ZNF133: variants seen among roughly 807,000 people sequenced by gnomAD.
ZNF133 encodes the protein zinc finger protein 133 (clone pHZ-13).
In ZNF133, 26 loss-of-function variants were observed where a neutral mutation model predicts 54.9. The ratio of observed to expected loss-of-function variants is 0.47; its 90% CI spans 0.35 to 0.66. The LOEUF (loss-of-function observed/expected upper bound fraction) is 0.66, where lower values mean the gene tolerates loss of function less well. Ranked by LOEUF, ZNF133 falls within the 30% of genes least tolerant of loss-of-function variation. The pLI is 0.01. For missense variants in ZNF133, 653 were observed against 820.8 expected, an observed-to-expected ratio of 0.80 and a Z score of 2.50; for synonymous variants, 298 against 320.3, an observed-to-expected ratio of 0.93 and a Z score of 0.74.
In ZNF133 at chr20:18,316,067, A is replaced by C; in HGVS notation, c.1216A>C (p.Lys406Gln). 1 of 1,612,564 alleles carries C rather than the reference A, an allele frequency of 6.2e-7. No individual in the cohort carries two copies. Among genetic ancestry groups the C allele is most frequent in the East Asian group, 2.2e-5 (1 of 44,684 alleles). ...TGTCAACCACCAGAGGACACACTCA[A>C]AGGAGAAGCCCTATGTGTGCGGGGT... ...TLVNHQRTHS[K>Q]EKPYVCGVCG... Residue 406 changes from lysine (K) to glutamine (Q), a missense_variant, in exon 7 of 7, where the codon AAG becomes CAG. Lys to Gln is a moderately conservative substitution (Grantham distance 53, BLOSUM62 1). This residue lies in a region of ZNF133 where 292 missense variants were observed against 431.6 expected (regional missense o/e 0.68). Transcript: ENST00000425686.
chr20:18,300,347 A>G (rs116790294), intron 3 of ZNF133, among the ~76,000 whole-genome samples: 4,217 of 152,300 alleles, frequency 0.028, 223 homozygotes, highest in African/African-American at 0.097. Flanking sequence ...AAAGCAAGTG[A>G]GATGGGAATT....
In ZNF133 at chr20:18,316,392, G is replaced by A. The variant is rs1422804566; in HGVS notation, c.1541G>A (p.Arg514Lys). The change falls in exon 7 of 7, where the codon AGG becomes AAG. Residue 514 changes from arginine (R) to lysine (K), a missense_variant. By Grantham distance (26) the Arg-to-Lys change is conservative (BLOSUM62 2). Transcript: ENST00000425686. ...AAGTCAAACCTTGTTGCACACCAGA[G>A]GACGCACTCAGGGGAGAGGCCGTAT... ...SQKSNLVAHQ[R>K]THSGERPYVC... 6.2e-7 allele frequency: 1 copy of A among 1,614,054 alleles called. No homozygotes were observed. The highest frequency in any genetic ancestry group is 1.7e-5 in the Admixed American group (1 of 60,020).
chr20:18,314,089 C>G (rs544617981), intron 6 of ZNF133: 2 of 152,338 alleles, frequency 1.3e-5, no homozygotes, highest in African/African-American at 4.8e-5. Flanking sequence ...AAAGGTGGTT[C>G]TGCTCATTGT....
chr20:18,307,471 A>G (rs2044906043), intron 6 of ZNF133, among the ~76,000 whole-genome samples: 2 of 152,182 alleles, frequency 1.3e-5, no homozygotes, highest in African/African-American at 4.8e-5. Flanking sequence ...TCTGATGGAG[A>G]AGTCACCATG....
At chr20:18,295,536 GC>G (rs2042057197) in intron 1 of ZNF133, 1 of 152,094 alleles carries the variant, frequency 6.6e-6, no homozygotes, top group Non-Finnish European at 1.5e-5. Context: ...GTAGGATTTG[GC>G]TCATTAGATC....
intron 1 of ZNF133, among the ~76,000 whole-genome samples, chr20:18,290,600 C>A (rs1386722728): frequency 7.3e-5 from 11 of 150,920 alleles, no homozygotes; most frequent in Admixed American, 7.3e-4. Flanking sequence ...ATATTGTTTT[C>A]CCCCATTGTT....
chr20:18,306,236 G>A (rs2044555506), intron 5 of ZNF133, 62 bp from the exon 6 acceptor site: 2 of 1,511,570 alleles, frequency 1.3e-6, no homozygotes, highest in Non-Finnish European at 1.8e-6. Flanking sequence ...GTTTAGCTTT[G>A]AATTCTTGAA....
chr20:18,301,451 A>G (rs2043340696), intron 3 of ZNF133, among the ~76,000 whole-genome samples: 1 of 152,200 alleles, frequency 6.6e-6, no homozygotes, highest in Non-Finnish European at 1.5e-5. Context: ...GAATAGAAGG[A>G]TAATAGCAGA....
rs745482761 is a variant in ZNF133, at chr20:18,316,689, G to A, written c.1838G>A (p.Arg613Gln). The change falls in exon 7 of 7, where the codon CGG (arginine) becomes CAG (glutamine). Residue 613 changes from arginine to glutamine, a missense_variant. By Grantham distance (43) the Arg-to-Gln change is conservative. Coordinates refer to ENST00000425686, the MANE Select transcript of ZNF133 (RefSeq NM_001352452.2). ...CCATATGTGTGCAAGACGTGTGGGC[G>A]GGGCTTCAGCCTCAAGTCTCACCTC... ...EKPYVCKTCG[R>Q]GFSLKSHLSR... 7.4e-6 allele frequency: 12 copies of A among 1,614,010 alleles called. No individual in the cohort carries two copies. Among genetic ancestry groups the A allele is most frequent in the Middle Eastern group, 3.3e-4 (2 of 6,082 alleles).
At chr20:18,291,613 G>C (rs1307899519) in intron 1 of ZNF133, among the ~76,000 whole-genome samples, 1 of 152,022 alleles carries the variant, frequency 6.6e-6, no homozygotes, top group Non-Finnish European at 1.5e-5. Flanking sequence ...TCATTCTCAA[G>C]GCTTTAAATG....
At chr20:18,310,413 A>AATAC in intron 6 of ZNF133, 1 of 1,251,344 alleles carries the variant, frequency 8.0e-7, no homozygotes, top group Non-Finnish European at 1.1e-6. Flanking sequence ...AAAGTATTTA[A>AATAC]TTTTCTCGGC....
intron 6 of ZNF133, among the ~76,000 whole-genome samples, chr20:18,307,635 G>GTA (rs778776872): frequency 2.8e-4 from 43 of 152,180 alleles, no homozygotes; most frequent in Non-Finnish European, 1.0e-4. Context: ...ATAGGCACAT[G>GTA]TATATTAGTC....
chr20:18,290,498 A>G (rs556869220), intron 1 of ZNF133, among the ~76,000 whole-genome samples: 2 of 152,244 alleles, frequency 1.3e-5, no homozygotes, highest in South Asian at 4.1e-4. Flanking sequence ...ACATAACCAC[A>G]ATTTCATTGT....
At chr20:18,303,449 A>G (rs139672303) in intron 3 of ZNF133, among the ~76,000 whole-genome samples, 1,678 of 152,324 alleles carry the variant, frequency 0.011, 12 homozygotes, top group Non-Finnish European at 0.017. Flanking sequence ...AAAAATTCAT[A>G]TTAAACTTGA....
rs1416693185 is a variant in ZNF133, at chr20:18,305,395, T to C, written c.-7+217T>C. 2.0e-5 allele frequency among the ~76,000 whole-genome samples: 3 copies of C among 152,188 alleles called. No homozygotes were observed. The highest frequency in any genetic ancestry group is 4.4e-5 in the Non-Finnish European group (3 of 68,044). The stretch of plus-strand genomic sequence containing the variant: ...CCTTTATTGTTGCTTACATTTTATA[T>C]GTTGCTTGCTCTTCTGTCTGCCTAG... On this transcript the variant is annotated intron_variant, in intron 4 of 6. Coordinates refer to ENST00000425686, the MANE Select transcript of ZNF133 (RefSeq NM_001352452.2). This position sits in a 1 kb window ranked among gnomAD's most constrained non-coding sequence, Gnocchi z 4.7.
rs139378991 is a variant in ZNF133 at position 18,316,681 on chromosome 20, G to T, written c.1830G>T (p.Thr610=). ...HTGEKPYVCK[T]CGRGFSLKSH... is the part of the protein sequence containing the mutation. ...GGGAGAAGCCATATGTGTGCAAGAC[G>T]TGTGGGCGGGGCTTCAGCCTCAAGT... is the stretch of plus-strand genomic sequence containing the variant. The change falls in exon 7 of 7, where the codon ACG becomes ACT. Residue 610 remains threonine, a synonymous_variant. Coordinates refer to ENST00000425686, the MANE Select transcript of ZNF133 (RefSeq NM_001352452.2). The T allele has an allele frequency of 6.5e-4, 1,045 of 1,614,006 alleles. 1 individual carries two copies. Among genetic ancestry groups the T allele is most frequent in the Middle Eastern group, 3.5e-3 (21 of 6,060 alleles).
rs778666417 is a variant in ZNF133, at chr20:18,305,820, T to A, written c.121+13T>A. On this transcript the variant is annotated intron_variant, in intron 5 of 6. Transcript: ENST00000425686. The surrounding 1 kb of genome is among the most constrained non-coding windows in gnomAD (Gnocchi z 4.7). ...CTGGTCTCACTGGGTAAGCCTGATA[T>A]CTGTTAGGATTCCCATTCTTATTGC... 6.3e-7 allele frequency: 1 copy of A among 1,597,944 alleles called. No individual in the cohort carries two copies. The highest frequency in any genetic ancestry group is 2.3e-5 in the East Asian group (1 of 44,336).
chr20:18,305,929 T>G lies in ZNF133; in HGVS notation c.121+122T>G. ...TGGACCAAAAAGCAACTACATTTTA[T>G]TCGTGTTTCCCCAGGGAGGGTCTGA... On this transcript the variant is annotated intron_variant, in intron 5 of 6. Transcript: ENST00000425686. The surrounding 1 kb of genome is among the most constrained non-coding windows in gnomAD (Gnocchi z 4.7). 1.5e-6 allele frequency: 2 copies of G among 1,304,508 alleles called. No individual in the cohort carries two copies. Among genetic ancestry groups the G allele is most frequent in the South Asian group, 3.0e-5 (2 of 65,890 alleles). The allele number at this position is 1,304,508 out of a possible 1,614,324, so 80.8% of individuals were successfully genotyped here.
chr20:18,289,012 G>A (rs548440452), intron 1 of ZNF133, among the ~76,000 whole-genome samples: 7 of 152,272 alleles, frequency 4.6e-5, no homozygotes, highest in Non-Finnish European at 7.4e-5. Context: ...TTCCCAGGTG[G>A]TGGAATGGGA....
Sources: allele counts gnomAD v4.1 joint callset (sites outside exome capture counted in the v4.1 genomes callset), GRCh38; gene constraint gnomAD v4.1.1; regional missense constraint gnomAD v4.1.1; non-coding constraint Gnocchi (gnomAD v3.1); transcripts MANE v1.5; gene names NCBI Gene and HGNC (gene_info 2026-07-23, HGNC 2026-07-21).